The following LSAMP variants were observed in gnomAD, a reference collection of about 807,000 sequenced individuals.
The protein encoded by LSAMP is limbic system associated membrane protein, also known as limbic system-associated membrane protein.
LSAMP carries 7 observed loss-of-function variants against 38.6 expected under a neutral mutation model. The ratio of observed to expected loss-of-function variants is 0.18; its 90% CI spans 0.10 to 0.34. LSAMP has a LOEUF of 0.34. LSAMP is among the 10% of genes least tolerant of loss of function. LSAMP has a pLI of 1.00. For synonymous variants in LSAMP, 154 were observed against 166.8 expected (o/e 0.92, Z 0.59); for missense variants, 313 against 420.0 (o/e 0.75, Z 2.23).
chr3:116,087,305 A>C (rs1450470115), intron 1 of LSAMP, among the ~76,000 whole-genome samples: 1 of 152,236 alleles, frequency 6.6e-6, no homozygotes, highest in Non-Finnish European at 1.5e-5. Context: ...CAAAAAGGGT[A>C]AAGGAATAAC....
intron 1 of LSAMP, among the ~76,000 whole-genome samples, chr3:116,143,514 C>T (rs181853764): frequency 8.6e-5 from 13 of 151,876 alleles, no homozygotes; most frequent in African/African-American, 2.9e-4. Context: ...GATGAATACG[C>T]TGTTCTCCAT....
chr3:116,338,597 A>T (rs576731893), intron 1 of LSAMP, among the ~76,000 whole-genome samples: 1 of 152,064 alleles, frequency 6.6e-6, no homozygotes, highest in Middle Eastern at 3.4e-3. Flanking sequence ...TTACTCATTT[A>T]TTTTCAATTC....
rs192653194 is a variant in LSAMP, at chr3:116,233,270, G to A, written c.156-146714C>T. Among the ~76,000 whole-genome samples, 82 of 151,810 alleles carry A rather than the reference G, an allele frequency of 5.4e-4. 1 individual carries two copies. The highest frequency in any genetic ancestry group is 1.8e-3 in the African/African-American group (74 of 41,422). ...CTACTAAAAATTCAAAAAATTAGCC[G>A]GGCATGGTGGTTGGCGCCTGTAGTC... On this transcript the variant is annotated intron_variant, in intron 1 of 6. Coordinates refer to ENST00000490035, the MANE Select transcript of LSAMP (RefSeq NM_002338.5).
At chr3:116,180,423 T>A (rs982571580) in intron 1 of LSAMP, among the ~76,000 whole-genome samples, 1 of 152,062 alleles carries the variant, frequency 6.6e-6, no homozygotes, top group Non-Finnish European at 1.5e-5. Flanking sequence ...GCATTATAAA[T>A]GATATTAAAC....
intron 1 of LSAMP, among the ~76,000 whole-genome samples, chr3:116,392,502 C>T (rs2048717054): frequency 6.6e-6 from 1 of 152,246 alleles, no homozygotes; most frequent in Non-Finnish European, 1.5e-5. Context: ...GGACTTAGGG[C>T]ACTGACAAGC....
intron 1 of LSAMP, among the ~76,000 whole-genome samples, chr3:116,150,098 C>A (rs1245576571): frequency 2.0e-5 from 3 of 151,924 alleles, no homozygotes; most frequent in Non-Finnish European, 2.9e-5. Context: ...TTCATTAAAG[C>A]CATTTAGTGT....
intron 1 of LSAMP, among the ~76,000 whole-genome samples, chr3:116,158,793 C>T (rs1349030396): frequency 3.9e-5 from 6 of 152,034 alleles, no homozygotes; most frequent in Non-Finnish European, 7.4e-5. Flanking sequence ...TTTACAGATT[C>T]AGAGATATTC....
intron 3 of LSAMP, among the ~76,000 whole-genome samples, chr3:115,869,837 G>A (rs762320390): frequency 1.7e-4 from 26 of 151,948 alleles, no homozygotes; most frequent in Admixed American, 3.3e-4. Flanking sequence ...ACATTTATAA[G>A]GATATGTATA....
Position 116,019,635 on chromosome 3 carries a change from G to A in LSAMP, c.394C>T (p.Pro132Ser), listed in dbSNP as rs746117051. ...TCCGAGGAGATATTGGAGATCTTTG[G>A]TGGGACTGTGAAAACAAAAGGAAAT... ...SQVYLIVQVP[P>S]KISNISSDVT... Residue 132 changes from proline (P) to serine (S), a missense_variant, in exon 3 of 7, where the codon CCA becomes TCA. By Grantham distance (74) the Pro-to-Ser change is moderately conservative (BLOSUM62 -1). Transcript: ENST00000490035. 2 of 1,611,592 alleles carry A rather than the reference G, an allele frequency of 1.2e-6. No homozygotes were observed. The highest frequency in any genetic ancestry group is 2.2e-5 in the South Asian group (2 of 90,980).
At chr3:116,205,106 G>T (rs1276572609) in intron 1 of LSAMP, among the ~76,000 whole-genome samples, 1 of 145,576 alleles carries the variant, frequency 6.9e-6, no homozygotes, top group African/African-American at 2.5e-5. Flanking sequence ...TCTCCTTGAA[G>T]AGGTCCTTCA....
chr3:116,209,875 C>T (rs923755388), intron 1 of LSAMP, among the ~76,000 whole-genome samples: 102 of 152,218 alleles, frequency 6.7e-4, no homozygotes, highest in African/African-American at 2.1e-3. Context: ...CCTTAGCCTC[C>T]GAGTAGCTGG....
intron 1 of LSAMP, among the ~76,000 whole-genome samples, chr3:116,173,521 C>A (rs1710257077): frequency 6.6e-6 from 1 of 151,744 alleles, no homozygotes; most frequent in Admixed American, 6.6e-5. Flanking sequence ...TTTTCTGTCA[C>A]CTTCTGTTAC....
chr3:116,173,266 G>A (rs760849724), intron 1 of LSAMP, among the ~76,000 whole-genome samples: 15 of 152,018 alleles, frequency 9.9e-5, no homozygotes, highest in Non-Finnish European at 1.3e-4. Context: ...TGGGCCTCTT[G>A]TAACAAAGCA....
intron 1 of LSAMP, among the ~76,000 whole-genome samples, chr3:116,130,921 T>C (rs544226329): frequency 7.9e-5 from 12 of 151,998 alleles, no homozygotes; most frequent in Non-Finnish European, 1.6e-4. Flanking sequence ...AATGAGTGTA[T>C]GTTGTTCTTT....
intron 1 of LSAMP, among the ~76,000 whole-genome samples, chr3:116,338,678 A>C (rs528057231): frequency 6.6e-6 from 1 of 152,082 alleles, no homozygotes; most frequent in South Asian, 2.1e-4. Flanking sequence ...GTAAGGGGAG[A>C]AGGAGTTAAT....
At chr3:115,852,238 T>C (rs1376337268) in intron 4 of LSAMP, among the ~76,000 whole-genome samples, 1 of 152,250 alleles carries the variant, frequency 6.6e-6, no homozygotes, top group Non-Finnish European at 1.5e-5. Context: ...CATGTTTTCT[T>C]AATTCTTTAG....
chr3:116,286,201 C>A (rs1237909130), intron 1 of LSAMP, among the ~76,000 whole-genome samples: 1 of 152,200 alleles, frequency 6.6e-6, no homozygotes, highest in Non-Finnish European at 1.5e-5. Context: ...GCAGCTCTGG[C>A]AGACATCCTG....
At chr3:115,970,528 C>A (rs920899875) in intron 3 of LSAMP, among the ~76,000 whole-genome samples, 4 of 152,168 alleles carry the variant, frequency 2.6e-5, no homozygotes, top group African/African-American at 4.8e-5. Flanking sequence ...AAAGTGAGGG[C>A]TCTTTCATGC....
chr3:116,356,951 G>A (rs540663220), intron 1 of LSAMP, among the ~76,000 whole-genome samples: 1 of 152,146 alleles, frequency 6.6e-6, no homozygotes, highest in Admixed American at 6.5e-5. Flanking sequence ...CCGCCACCAC[G>A]CCTGGCTAAT....
Sources: gnomAD v4.1 joint callset for allele counts (sites outside exome capture counted in the v4.1 genomes callset) on GRCh38, gnomAD v4.1.1 for gene constraint, MANE v1.5 for transcripts, NCBI Gene and HGNC (gene_info 2026-07-23, HGNC 2026-07-21) for gene names.